RAI14: variants seen among roughly 807,000 people sequenced by gnomAD.
RAI14 encodes retinoic acid induced 14.
In RAI14, 45 loss-of-function variants were observed where a neutral mutation model predicts 115.4. That is an observed-to-expected ratio of 0.39 (90% CI 0.31 to 0.50). RAI14 has a LOEUF of 0.50. Among genes scored for constraint, RAI14 ranks in the 20% least tolerant of loss-of-function variants. The pLI is 0.85. For missense variants in RAI14, 939 were observed against 1,131.2 expected, an observed-to-expected ratio of 0.83 and a Z score of 2.44; for synonymous variants, 371 against 415.4, an observed-to-expected ratio of 0.89 and a Z score of 1.30.
At chr5:34,801,386 C>T (rs1754241020) in intron 4 of RAI14, among the ~76,000 whole-genome samples, 1 of 152,154 alleles carries the variant, frequency 6.6e-6, no homozygotes, top group South Asian at 2.1e-4. Flanking sequence ...ACAGTGTTTC[C>T]TAGCTATATG....
At chr5:34,804,948 G>C (rs139252209) in intron 5 of RAI14, among the ~76,000 whole-genome samples, 99 of 152,254 alleles carry the variant, frequency 6.5e-4, no homozygotes, top group African/African-American at 2.2e-3. Flanking sequence ...ATCTGACTCT[G>C]ATTTTAAGGA....
At chr5:34,665,851 A>G (rs1159648723) in intron 1 of RAI14, among the ~76,000 whole-genome samples, 1 of 152,040 alleles carries the variant, frequency 6.6e-6, no homozygotes, top group Non-Finnish European at 1.5e-5. Context: ...CAGTTCGAAA[A>G]CCTATCATAC....
Position 34,767,865 on chromosome 5 carries a change from G to C in RAI14, c.167+10267G>C, listed in dbSNP as rs116166294. ...GTTTCTTATTAATTATGTTAATACT[G>C]AATGTCCCAACACCGGGCTAGGTTC... On this transcript the variant is annotated intron_variant, in intron 3 of 17. Transcript: ENST00000265109. Among the ~76,000 whole-genome samples, 184 of 151,498 alleles carry C rather than the reference G, an allele frequency of 1.2e-3. 1 individual carries two copies. Among genetic ancestry groups the C allele is most frequent in the African/African-American group, 4.0e-3 (167 of 41,304 alleles).
intron 2 of RAI14, among the ~76,000 whole-genome samples, chr5:34,698,379 C>T (rs1261302131): frequency 6.6e-6 from 1 of 151,592 alleles, no homozygotes; most frequent in Non-Finnish European, 1.5e-5. Context: ...AGCACAGTGC[C>T]TGGCATTTGT....
chr5:34,705,497 A>G (rs962707613), intron 2 of RAI14, among the ~76,000 whole-genome samples: 2 of 152,138 alleles, frequency 1.3e-5, no homozygotes, highest in African/African-American at 4.8e-5. Context: ...GGATAGCACT[A>G]TGTTAGATCC....
intron 2 of RAI14, among the ~76,000 whole-genome samples, chr5:34,703,454 T>C (rs903666316): frequency 6.6e-6 from 1 of 152,228 alleles, no homozygotes; most frequent in African/African-American, 2.4e-5. Context: ...TTTTATGTAT[T>C]ATTACTAAGA....
At chr5:34,821,436 C>T (rs533104624) in intron 13 of RAI14, among the ~76,000 whole-genome samples, 200 of 152,140 alleles carry the variant, frequency 1.3e-3, no homozygotes, top group African/African-American at 4.7e-3. Flanking sequence ...GAACCAAAAA[C>T]AACCAAGATA....
chr5:34,698,497 G>A (rs1739619131), intron 2 of RAI14, among the ~76,000 whole-genome samples: 1 of 152,008 alleles, frequency 6.6e-6, no homozygotes, highest in Non-Finnish European at 1.5e-5. Flanking sequence ...CCAGGTTTGT[G>A]CCATTCACAG....
intron 2 of RAI14, among the ~76,000 whole-genome samples, chr5:34,738,652 T>G (rs11950200): frequency 0.083 from 12,561 of 152,184 alleles, 570 homozygotes; most frequent in Middle Eastern, 0.2. Context: ...GGGATTTTGT[T>G]GGGATCTCTT....
chr5:34,766,144 C>T (rs998206807), intron 3 of RAI14, among the ~76,000 whole-genome samples: 1 of 152,222 alleles, frequency 6.6e-6, no homozygotes, highest in Non-Finnish European at 1.5e-5. Context: ...TGGAGAACCT[C>T]TGCTAGGGCA....
rs138952440 is a variant in RAI14 at position 34,699,031 on chromosome 5, A to G, written c.36+12076A>G. ...TGCCAGCCAAGTGTGAGTGCCCCTC[A>G]TCTCCTGAGAAATCTGGCGTGGCCT... On this transcript the variant is annotated intron_variant, in intron 2 of 17. Coordinates refer to ENST00000265109, the MANE Select transcript of RAI14 (RefSeq NM_015577.3). Among the ~76,000 whole-genome samples, 429 of 152,270 alleles carry G rather than the reference A, an allele frequency of 2.8e-3. 5 individuals carry two copies. Among genetic ancestry groups the G allele is most frequent in the African/African-American group, 9.8e-3 (407 of 41,548 alleles).
intron 1 of RAI14, among the ~76,000 whole-genome samples, chr5:34,672,392 G>A (rs1050350246): frequency 1.1e-4 from 16 of 152,146 alleles, no homozygotes; most frequent in African/African-American, 1.7e-4. Context: ...TGGGGTGTGG[G>A]GGGGGAGCAT....
Position 34,786,204 on chromosome 5 carries a change from T to C in RAI14, c.168-9735T>C, listed in dbSNP as rs551696043. 2.0e-5 allele frequency among the ~76,000 whole-genome samples: 3 copies of C among 152,318 alleles called. No homozygotes were observed. In the South Asian group the frequency reaches 6.2e-4, roughly 32 times the overall value. ...GGAAAAGGCTCAAATGTAGCTATAA[T>C]ATTGCCCTGTTGATCTGGGGGGGTG... On this transcript the variant is annotated intron_variant, in intron 3 of 17. Coordinates refer to ENST00000265109, the MANE Select transcript of RAI14 (RefSeq NM_015577.3).
At chr5:34,722,934 TA>T (rs200328787) in intron 2 of RAI14, among the ~76,000 whole-genome samples, 4 of 150,876 alleles carry the variant, frequency 2.7e-5, no homozygotes, top group Admixed American at 6.6e-5. Context: ...ATAAATAAAT[TA>T]AAAAAAATAC....
Position 34,697,154 on chromosome 5 carries a change from A to G in RAI14, c.36+10199A>G, listed in dbSNP as rs569727209. ...TCAAAAAATAATAATAATAATAAAA[A>G]GGCCAAGTGCGGTGGCTCACGCCTG... On this transcript the variant is annotated intron_variant, in intron 2 of 17. Transcript: ENST00000265109. Among the ~76,000 whole-genome samples, 16 of 136,146 alleles carry G rather than the reference A, an allele frequency of 1.2e-4. No individual in the cohort carries two copies. The East Asian group carries it at 3.7e-3, about 31-fold the overall frequency. The allele number at this position is 136,146 out of a possible 152,430, so 89.3% of individuals were successfully genotyped here.
intron 2 of RAI14, among the ~76,000 whole-genome samples, chr5:34,703,111 G>A (rs761352493): frequency 8.3e-4 from 126 of 152,168 alleles, no homozygotes; most frequent in Admixed American, 2.2e-3. Context: ...TCCACAGAGA[G>A]GAAAGTTTTA....
At chr5:34,728,508 G>A (rs1170623172) in intron 2 of RAI14, 3 of 152,122 alleles carry the variant, frequency 2.0e-5, no homozygotes, top group Non-Finnish European at 4.4e-5. Flanking sequence ...TGCTGTTCTC[G>A]TGATAGTGAA....
At chr5:34,669,215 C>T (rs1227720521) in intron 1 of RAI14, among the ~76,000 whole-genome samples, 1 of 152,170 alleles carries the variant, frequency 6.6e-6, no homozygotes, top group Non-Finnish European at 1.5e-5. Flanking sequence ...CTATTTGTTT[C>T]CTTTTGCAAC....
chr5:34,806,927 A>G (rs1422026261), intron 5 of RAI14, among the ~76,000 whole-genome samples: 1 of 152,156 alleles, frequency 6.6e-6, no homozygotes, highest in Admixed American at 6.5e-5. Flanking sequence ...CTGCGACTTG[A>G]GCAAATTATC....
Sources: allele counts gnomAD v4.1 joint callset (sites outside exome capture counted in the v4.1 genomes callset), GRCh38; gene constraint gnomAD v4.1.1; transcripts MANE v1.5; gene names NCBI Gene and HGNC (gene_info 2026-07-23, HGNC 2026-07-21).